The following ACAD9 variants were observed in gnomAD, a reference collection of about 807,000 sequenced individuals.
ACAD9 encodes the protein complex I assembly factor ACAD9, mitochondrial.
ACAD9 carries 53 observed loss-of-function variants against 70.2 expected under a neutral mutation model. The observed-to-expected ratio is 0.75, with a 90% confidence interval of 0.61 to 0.95. The LOEUF is 0.95. ACAD9 is among the 40% of genes least tolerant of loss of function. The probability of loss-of-function intolerance (pLI) is 0.00; values close to 1 mark genes in which losing one functional copy is unlikely to be tolerated. For missense variants in ACAD9, 777 were observed against 802.8 expected, an observed-to-expected ratio of 0.97 and a Z score of 0.39; for synonymous variants, 313 against 312.1, an observed-to-expected ratio of 1.00 and a Z score of -0.03.
rs1056095182 is a variant in ACAD9, at chr3:128,893,558, A to T, written c.248A>T (p.Asp83Val). Reference protein sequence around the residue: ...PVEKFFTEEVDSRKIDQEGKI... With the variant: ...PVEKFFTEEVVSRKIDQEGKI... ...ATCAAGATTTTCCTCTTGGCAGTGG[A>T]CTCCCGAAAAATTGACCAGGAAGGG... Residue 83 changes from aspartate (D) to valine (V), a missense_variant, in exon 3 of 18, where the codon GAC (aspartate) becomes GTC (valine). Transcript: ENST00000308982. The T allele has an allele frequency of 6.2e-7, 1 of 1,613,410 alleles. No homozygotes were observed. The highest frequency in any genetic ancestry group is 8.5e-7 in the Non-Finnish European group (1 of 1,179,500).
chr3:128,897,666 A>T lies in ACAD9; in HGVS notation c.589A>T (p.Thr197Ser). 1 of 1,613,922 alleles carries T rather than the reference A, an allele frequency of 6.2e-7. No homozygotes were observed. Among genetic ancestry groups the T allele is most frequent in the Non-Finnish European group, 8.5e-7 (1 of 1,179,908 alleles). ...TGCAGCCTCAATCCGGAGCAGAGCC[A>T]CACTAAGTGAAGACAAGAAGCACTA... ...SDAASIRSRA[T>S]LSEDKKHYIL... Residue 197 changes from threonine to serine, a missense_variant, in exon 6 of 18, where the codon ACA becomes TCA. Physicochemically the swap from Thr to Ser is moderately conservative, Grantham distance 58. Transcript: ENST00000308982.
At chr3:128,888,261 A>C (rs923504013) in intron 2 of ACAD9, among the ~76,000 whole-genome samples, 5 of 152,228 alleles carry the variant, frequency 3.3e-5, no homozygotes. Context: ...TCAGAGAATT[A>C]GAATTTAAAA....
At chr3:128,891,424 C>T (rs1935418281) in intron 2 of ACAD9, among the ~76,000 whole-genome samples, 1 of 152,136 alleles carries the variant, frequency 6.6e-6, no homozygotes. Context: ...AGTTCGAGAC[C>T]AGTCTGGCCA....
At chr3:128,895,927 G>A (rs1680779) in intron 4 of ACAD9, among the ~76,000 whole-genome samples, 70,845 of 152,134 alleles carry the variant, frequency 0.47, 19,295 homozygotes, top group African/African-American at 0.76. Flanking sequence ...CCCAGAGAGC[G>A]CACACATTCA....
intron 6 of ACAD9, among the ~76,000 whole-genome samples, chr3:128,898,892 T>G (rs1362640414): frequency 1.3e-5 from 2 of 152,234 alleles, no homozygotes; most frequent in Non-Finnish European, 2.9e-5. Context: ...TTTCATTTCT[T>G]TGTAGAATTA....
intron 2 of ACAD9, among the ~76,000 whole-genome samples, chr3:128,888,927 G>A (rs1576332983): frequency 6.8e-6 from 1 of 146,774 alleles, no homozygotes; most frequent in Non-Finnish European, 1.5e-5. Context: ...TTTAATTAAG[G>A]AATAATTGAT....
chr3:128,879,778 A>T lies in ACAD9; in HGVS notation c.87A>T (p.Leu29=). The change falls in exon 1 of 18, where the codon CTA becomes CTT. Residue 29 remains leucine, a synonymous_variant. Transcript: ENST00000308982. ...GLVVSTANRR[L]LRTSPPVRAF... Reference sequence around the variant, plus strand: ...TGGTCTCTACCGCGAACCGGCGGCTACTGCGCACCAGCCCGCCTGTACGAG... The same window carrying T: ...TGGTCTCTACCGCGAACCGGCGGCTTCTGCGCACCAGCCCGCCTGTACGAG... 1 of 1,613,730 alleles carries T rather than the reference A, an allele frequency of 6.2e-7. No homozygotes were observed. Among genetic ancestry groups the T allele is most frequent in the Non-Finnish European group, 8.5e-7 (1 of 1,180,006 alleles).
chr3:128,912,325 G>A (rs1216126331), intron 17 of ACAD9, among the ~76,000 whole-genome samples, 182 bp from the exon 18 acceptor site: 1 of 152,154 alleles, frequency 6.6e-6, no homozygotes, highest in East Asian at 1.9e-4. Context: ...TGAGAATGAA[G>A]CTGTACCCCT....
At chr3:128,909,500 C>G in intron 15 of ACAD9, 79 bp downstream of exon 15, 1 of 1,425,646 alleles carries the variant, frequency 7.0e-7, no homozygotes. Flanking sequence ...TTTTGTCAAG[C>G]ATCCTTTGGG....
chr3:128,903,318 C>CA (rs1195901494), intron 9 of ACAD9, among the ~76,000 whole-genome samples: 1 of 152,202 alleles, frequency 6.6e-6, no homozygotes, highest in East Asian at 1.9e-4. Flanking sequence ...GACAGAGACT[C>CA]AGAGAGGGCA....
chr3:128,880,479 C>G (rs989601819), intron 1 of ACAD9, among the ~76,000 whole-genome samples: 4 of 151,946 alleles, frequency 2.6e-5, no homozygotes, highest in African/African-American at 7.3e-5. Context: ...ACTGCAACCT[C>G]CCTCCTGGGT....
At chr3:128,891,545 C>T (rs777186890) in intron 2 of ACAD9, among the ~76,000 whole-genome samples, 5 of 152,148 alleles carry the variant, frequency 3.3e-5, no homozygotes, top group Non-Finnish European at 5.9e-5. Context: ...CACTTGAACC[C>T]GGCAGGCAGA....
intron 3 of ACAD9, among the ~76,000 whole-genome samples, chr3:128,894,646 C>T (rs1935517228): frequency 6.6e-6 from 1 of 151,696 alleles, no homozygotes; most frequent in Admixed American, 6.6e-5. Flanking sequence ...AACAATCCTC[C>T]CACCTAAGCC....
At position 128,884,635 on chromosome 3, in the gene ACAD9, A is replaced by C; in HGVS notation, c.151-18A>C. 2 of 1,577,716 alleles carry C rather than the reference A, an allele frequency of 1.3e-6. No homozygotes were observed. Among genetic ancestry groups the C allele is most frequent in the Non-Finnish European group, 1.7e-6 (2 of 1,152,168 alleles). On this transcript the variant is annotated intron_variant, in intron 1 of 17. Coordinates refer to ENST00000308982, the MANE Select transcript of ACAD9 (RefSeq NM_014049.5). ...GTGCTAAAAATTAAATTTTTTAGAA[A>C]ATATTTACTATTTTTAGAAAGAAGT... is the stretch of plus-strand genomic sequence containing the variant.
intron 2 of ACAD9, among the ~76,000 whole-genome samples, chr3:128,886,462 A>T (rs1302018976): frequency 6.6e-6 from 1 of 151,254 alleles, no homozygotes; most frequent in Non-Finnish European, 1.5e-5. Flanking sequence ...TAATCCCAGC[A>T]CTTACGGAGA....
chr3:128,893,744 A>G, intron 3 of ACAD9, 88 bp downstream of exon 3: 2 of 1,141,036 alleles, frequency 1.8e-6, no homozygotes, highest in Non-Finnish European at 2.6e-6. Flanking sequence ...GCTGGAATAG[A>G]TGACACCATC....
intron 12 of ACAD9, among the ~76,000 whole-genome samples, chr3:128,907,209 G>A (rs936903967): frequency 2.0e-5 from 3 of 152,116 alleles, no homozygotes; most frequent in African/African-American, 7.2e-5. Flanking sequence ...TTGTCTCCTG[G>A]GCCGTCCTGC....
chr3:128,907,849 C>T (rs1935938336), intron 12 of ACAD9, among the ~76,000 whole-genome samples: 1 of 152,222 alleles, frequency 6.6e-6, no homozygotes, highest in South Asian at 2.1e-4. Flanking sequence ...CTGGCACTGG[C>T]TGAGCCCCAG....
chr3:128,888,959 G>C (rs1303125829), intron 2 of ACAD9, among the ~76,000 whole-genome samples: 1 of 148,236 alleles, frequency 6.7e-6, no homozygotes, highest in East Asian at 2.0e-4. Context: ...TGCACACACT[G>C]TCATGTGACA....
Sources: gnomAD v4.1 joint callset for allele counts (sites outside exome capture counted in the v4.1 genomes callset) on GRCh38, gnomAD v4.1.1 for gene constraint, MANE v1.5 for transcripts, NCBI Gene and HGNC (gene_info 2026-07-23, HGNC 2026-07-21) for gene names.